The following CTNNA2 variants were observed in gnomAD, a reference collection of about 807,000 sequenced individuals.
CTNNA2 encodes catenin alpha-2.
In CTNNA2, 42 loss-of-function variants were observed where a neutral mutation model predicts 101.0. The ratio of observed to expected loss-of-function variants is 0.42; its 90% CI spans 0.32 to 0.54. CTNNA2 has a LOEUF of 0.54. Among genes scored for constraint, CTNNA2 ranks in the 20% least tolerant of loss-of-function variants. The pLI is 0.14. For missense variants in CTNNA2, 871 were observed against 1,223.1 expected (o/e 0.71, Z 4.29); for synonymous variants, 450 against 456.4 (o/e 0.99, Z 0.18).
chr2:79,702,920 G>T (rs1685107543), intron 2 of CTNNA2, among the ~76,000 whole-genome samples: 1 of 152,172 alleles, frequency 6.6e-6, no homozygotes, highest in African/African-American at 2.4e-5. Context: ...AGATGTGTGT[G>T]TCCTCGCCCT....
intron 2 of CTNNA2, among the ~76,000 whole-genome samples, chr2:79,712,331 A>G (rs1685791346): frequency 6.6e-6 from 1 of 152,230 alleles, no homozygotes; most frequent in Non-Finnish European, 1.5e-5. Context: ...CTTCATCTGT[A>G]AAATGGATGT....
chr2:79,206,320 A>G (rs1324261438), intron 2 of CTNNA2, among the ~76,000 whole-genome samples: 1 of 152,088 alleles, frequency 6.6e-6, no homozygotes, highest in African/African-American at 2.4e-5. Context: ...TAGTACCTTT[A>G]AATATACAAA....
At chr2:79,713,350 G>T (rs1221225255) in intron 2 of CTNNA2, among the ~76,000 whole-genome samples, 1 of 152,210 alleles carries the variant, frequency 6.6e-6, no homozygotes, top group Non-Finnish European at 1.5e-5. Flanking sequence ...GGAGGCTGAG[G>T]TGGGAAGGTC....
chr2:80,508,104 A>T (rs111397021), intron 9 of CTNNA2, among the ~76,000 whole-genome samples: 10 of 152,306 alleles, frequency 6.6e-5, no homozygotes, highest in African/African-American at 2.4e-4. Flanking sequence ...ATGATATCTA[A>T]GTTAACTCCC....
intron 6 of CTNNA2, among the ~76,000 whole-genome samples, chr2:79,877,631 C>A (rs962481603): frequency 2.0e-5 from 3 of 152,070 alleles, no homozygotes; most frequent in Non-Finnish European, 2.9e-5. Context: ...AGATATTAAA[C>A]AAATTGATAT....
At chr2:79,852,402 C>T (rs565052578) in intron 3 of CTNNA2, among the ~76,000 whole-genome samples, 31 of 152,256 alleles carry the variant, frequency 2.0e-4, no homozygotes, top group South Asian at 6.2e-4. Context: ...CCTTTCCCTA[C>T]GTGGCTTTTC....
intron 4 of CTNNA2, among the ~76,000 whole-genome samples, chr2:79,390,461 C>A (rs937672598): frequency 6.6e-6 from 1 of 152,174 alleles, no homozygotes; most frequent in Admixed American, 6.5e-5. Context: ...TTTAATCTCA[C>A]CTCCTCCGTT....
intron 14 of CTNNA2, among the ~76,000 whole-genome samples, chr2:80,585,512 C>T (rs1261391970): frequency 6.6e-6 from 1 of 152,124 alleles, no homozygotes; most frequent in Non-Finnish European, 1.5e-5. Context: ...ATCATACAAA[C>T]AAAATCTGAT....
At chr2:80,233,762 A>G (rs1000232518) in intron 7 of CTNNA2, among the ~76,000 whole-genome samples, 1 of 152,086 alleles carries the variant, frequency 6.6e-6, no homozygotes, top group Non-Finnish European at 1.5e-5. Context: ...TAGGACACCC[A>G]CTAAGTTAGG....
chr2:79,919,771 G>T (rs759454734), intron 7 of CTNNA2, among the ~76,000 whole-genome samples: 14 of 152,176 alleles, frequency 9.2e-5, no homozygotes, highest in Non-Finnish European at 1.6e-4. Flanking sequence ...CCAAAGATAA[G>T]CTCCCTTGCT....
At chr2:79,514,492 T>C (rs959268021) in intron 1 of CTNNA2, 18 of 152,260 alleles carry the variant, frequency 1.2e-4, no homozygotes, top group African/African-American at 4.3e-4. Flanking sequence ...CTGTTGGTTT[T>C]ACATCACTTA....
rs1684194781 is a variant in CTNNA2 at position 79,890,099 on chromosome 2, G to A, written c.852+15757G>A. On this transcript the variant is annotated intron_variant, in intron 6 of 18. Transcript: ENST00000402739. ...TATTGCTTAACCAGCTTCTGATGCTGTGAATGCCATTTTTAGTTTCACATT... is the reference window on the plus strand; with the variant it reads ...TATTGCTTAACCAGCTTCTGATGCTATGAATGCCATTTTTAGTTTCACATT... Among the ~76,000 whole-genome samples, 3 of 152,182 alleles carry A rather than the reference G, an allele frequency of 2.0e-5. 1 individual carries two copies. The highest frequency in any genetic ancestry group is 2.0e-4 in the Admixed American group (3 of 15,272).
chr2:79,783,510 C>T (rs369089070), intron 3 of CTNNA2, among the ~76,000 whole-genome samples: 58 of 152,298 alleles, frequency 3.8e-4, no homozygotes, highest in African/African-American at 1.3e-3. Flanking sequence ...CTTGGAAACT[C>T]ATCACACATA....
intron 6 of CTNNA2, among the ~76,000 whole-genome samples, chr2:79,908,979 C>T (rs1266687087): frequency 6.6e-6 from 1 of 152,144 alleles, no homozygotes; most frequent in Non-Finnish European, 1.5e-5. Flanking sequence ...AGGCTCCTTC[C>T]AAACAGGTAA....
intron 4 of CTNNA2, among the ~76,000 whole-genome samples, chr2:79,376,917 G>C (rs537366628): frequency 2.7e-4 from 41 of 152,240 alleles, no homozygotes; most frequent in African/African-American, 9.9e-4. Context: ...CCAAGTCTTT[G>C]CTATTGTGAA....
chr2:79,227,232 G>A (rs181484316), intron 2 of CTNNA2, among the ~76,000 whole-genome samples: 176 of 152,220 alleles, frequency 1.2e-3, no homozygotes, highest in African/African-American at 1.5e-3. Flanking sequence ...CAGGACAAAC[G>A]AGTTTTAATC....
At position 80,419,307 on chromosome 2, in the gene CTNNA2, G is replaced by T; in HGVS notation, c.1138-142G>T. 6 of 619,710 alleles carry T rather than the reference G, an allele frequency of 9.7e-6. No homozygotes were observed. The South Asian group carries it at 1.1e-4, about 11-fold the overall frequency. 38.4% of individuals were successfully genotyped at this position (619,710 alleles called of 1,614,324 possible). A position where few individuals can be genotyped will look rare whatever the true frequency, so the allele number is the denominator to read the frequency against. ...CAGTCATTGGTTTTCCTTTAATAAT[G>T]TAAGCACTGGGAAAATTTTAAAAAG... On this transcript the variant is annotated intron_variant, in intron 8 of 18. Coordinates refer to ENST00000402739, the MANE Select transcript of CTNNA2 (RefSeq NM_001282597.3).
chr2:80,227,671 A>G (rs933679463), intron 7 of CTNNA2, among the ~76,000 whole-genome samples: 9 of 152,204 alleles, frequency 5.9e-5, no homozygotes, highest in African/African-American at 1.2e-4. Flanking sequence ...GCAGCCTCCC[A>G]TGCTTTCTAG....
At chr2:80,293,128 G>A (rs187580761) in intron 7 of CTNNA2, among the ~76,000 whole-genome samples, 8 of 152,318 alleles carry the variant, frequency 5.3e-5, no homozygotes, top group African/African-American at 1.9e-4. Flanking sequence ...GAGACAGTGA[G>A]GCAAAATAAC....
Sources: gnomAD v4.1 joint callset for allele counts (sites outside exome capture counted in the v4.1 genomes callset) on GRCh38, gnomAD v4.1.1 for gene constraint, MANE v1.5 for transcripts, NCBI Gene and HGNC (gene_info 2026-07-23, HGNC 2026-07-21) for gene names.